Variants in NFIX observed in about 807,000 individuals in gnomAD.
NFIX encodes nuclear factor I X, also known as nuclear factor 1 X-type.
In NFIX, 2 loss-of-function variants were observed where a neutral mutation model predicts 53.3. The ratio of observed to expected loss-of-function variants is 0.04; its 90% CI spans 0.02 to 0.12. The LOEUF is 0.12. Among genes scored for constraint, NFIX ranks in the 10% least tolerant of loss-of-function variants. The probability of loss-of-function intolerance (pLI) is 1.00; values close to 1 mark genes in which losing one functional copy is unlikely to be tolerated. For synonymous variants in NFIX, 244 were observed against 289.0 expected (o/e 0.84, Z 1.58); for missense variants, 310 against 674.5 (o/e 0.46, Z 5.99).
intron 2 of NFIX, chr19:13,070,161 AC>A (rs2016685425): frequency 6.6e-6 from 1 of 152,102 alleles, no homozygotes; most frequent in Non-Finnish European, 1.5e-5. Flanking sequence ...TTCACCATGG[AC>A]CTAGTGGCCT....
chr19:13,023,836 G>A (rs2013109811), intron 1 of NFIX: 1 of 151,082 alleles, frequency 6.6e-6, no homozygotes, highest in East Asian at 2.0e-4. Context: ...GGGGGGGGAG[G>A]AGGGGGAAGG....
rs1038648940 is a variant in NFIX, at chr19:13,009,122, C to T, written c.27+13258C>T. Reference sequence around the variant, plus strand: ...TGTCACAAGCACCGCCGCACACCGGCACAATCTGTCGTCCACGCACAGTCT... The same window carrying T: ...TGTCACAAGCACCGCCGCACACCGGTACAATCTGTCGTCCACGCACAGTCT... On this transcript the variant is annotated intron_variant, in intron 1 of 10. Transcript: ENST00000592199. This position sits in a 1 kb window ranked among gnomAD's most constrained non-coding sequence, Gnocchi z 4.7. Among the ~76,000 whole-genome samples, 1 of 152,220 alleles carries T rather than the reference C, an allele frequency of 6.6e-6. No individual in the cohort carries two copies. Among genetic ancestry groups the T allele is most frequent in the Non-Finnish European group, 1.5e-5 (1 of 68,042 alleles).
At chr19:13,039,230 A>AC (rs2014439736) in intron 2 of NFIX, among the ~76,000 whole-genome samples, 1 of 131,654 alleles carries the variant, frequency 7.6e-6, no homozygotes, top group Non-Finnish European at 1.6e-5. Flanking sequence ...ACCCCCCCCC[A>AC]CACACACACA....
At chr19:13,026,064 G>A (rs2013320259) in intron 2 of NFIX, among the ~76,000 whole-genome samples, 1 of 152,170 alleles carries the variant, frequency 6.6e-6, no homozygotes, top group South Asian at 2.1e-4. Flanking sequence ...GAAACCCTGG[G>A]ATATGAGACT....
rs573872208 is a variant in NFIX at position 13,009,082 on chromosome 19, C to T, written c.27+13218C>T. On this transcript the variant is annotated intron_variant, in intron 1 of 10. Transcript: ENST00000592199. This position sits in a 1 kb window ranked among gnomAD's most constrained non-coding sequence, Gnocchi z 4.7. ...CAACACCCCGCCACCCGCAGTCTGT[C>T]GCGCAGTGACAGCCTGTCACAAGCA... 3.9e-5 allele frequency among the ~76,000 whole-genome samples: 6 copies of T among 152,334 alleles called. No homozygotes were observed. The highest frequency in any genetic ancestry group is 8.8e-5 in the Non-Finnish European group (6 of 68,036).
Position 13,049,045 on chromosome 19 carries a change from C to G in NFIX, c.559+23493C>G, listed in dbSNP as rs148340480. On this transcript the variant is annotated intron_variant, in intron 2 of 10. Coordinates refer to ENST00000592199, the MANE Select transcript of NFIX (RefSeq NM_001365902.3). This position sits in a 1 kb window ranked among gnomAD's most constrained non-coding sequence, Gnocchi z 4.5. ...TGAGACAAGATCGCGTCACTGTACCCCAGCCTGGGCGACAGAGCAAGACTC... is the reference window on the plus strand; with the variant it reads ...TGAGACAAGATCGCGTCACTGTACCGCAGCCTGGGCGACAGAGCAAGACTC... Among the ~76,000 whole-genome samples the G allele has an allele frequency of 0.052, 7,977 of 152,130 alleles. 335 individuals carry two copies. The highest frequency in any genetic ancestry group is 0.21 in the Middle Eastern group (63 of 294).
Position 12,998,988 on chromosome 19 carries a change from G to A in NFIX, c.27+3124G>A, listed in dbSNP as rs1568249580. 1.3e-5 allele frequency among the ~76,000 whole-genome samples: 2 copies of A among 151,956 alleles called. No homozygotes were observed. The highest frequency in any genetic ancestry group is 2.9e-5 in the Non-Finnish European group (2 of 67,990). ...AGCGACGAAGGCACATGGAGACCAC[G>A]ACACCTCCCAGACTCATGGAGCCCT... On this transcript the variant is annotated intron_variant, in intron 1 of 10. Transcript: ENST00000592199. This position sits in a 1 kb window ranked among gnomAD's most constrained non-coding sequence, Gnocchi z 4.4.
chr19:13,019,585 C>T (rs1018516444), intron 1 of NFIX, among the ~76,000 whole-genome samples: 3 of 151,126 alleles, frequency 2.0e-5, no homozygotes, highest in African/African-American at 7.3e-5. Context: ...TTTCGTTCTC[C>T]TTCTCTCTAT....
At chr19:13,084,168 G>C (rs1283070201) in intron 8 of NFIX, among the ~76,000 whole-genome samples, 2 of 152,178 alleles carry the variant, frequency 1.3e-5, no homozygotes, top group Non-Finnish European at 2.9e-5. Flanking sequence ...TAGGCTGGGC[G>C]TGGTGGCTCA....
In NFIX at chr19:12,998,282, A is replaced by ACT. The variant is rs140784850; in HGVS notation, c.27+2431_27+2432dup. Among the ~76,000 whole-genome samples, 8 of 130,716 alleles carry ACT rather than the reference A, an allele frequency of 6.1e-5. No homozygotes were observed. Among genetic ancestry groups the ACT allele is most frequent in the Middle Eastern group, 4.3e-3 (1 of 234 alleles). 85.8% of individuals were successfully genotyped at this position (130,716 alleles called of 152,430 possible). ...GCTCCCCCCTCCACTGGCGTCTCGG[A>ACT]CTCTCTCTCTCTCTGTCTCTCTGGC... On this transcript the variant is annotated intron_variant, in intron 1 of 10. Transcript: ENST00000592199. The surrounding 1 kb of genome is among the most constrained non-coding windows in gnomAD (Gnocchi z 4.4).
chr19:12,999,618 C>T (rs1007507610), intron 1 of NFIX, among the ~76,000 whole-genome samples: 2 of 152,250 alleles, frequency 1.3e-5, no homozygotes, highest in Non-Finnish European at 2.9e-5. Context: ...GCCGCACACA[C>T]GGATACACCC....
In NFIX at chr19:13,097,706, C is replaced by T. The variant is rs1355043077; in HGVS notation, c.*3057C>T. On this transcript the variant is annotated 3_prime_UTR_variant, in exon 11 of 11. Coordinates refer to ENST00000592199, the MANE Select transcript of NFIX (RefSeq NM_001365902.3). ...GGTCAATGCCAACGAACAAACGTCCCCTCCCTCCCTCCCTCTCCGCCCCGA... is the reference window on the plus strand; with the variant it reads ...GGTCAATGCCAACGAACAAACGTCCTCTCCCTCCCTCCCTCTCCGCCCCGA... 2 of 150,850 alleles carry T rather than the reference C, an allele frequency of 1.3e-5. No individual in the cohort carries two copies. The highest frequency in any genetic ancestry group is 3.0e-5 in the Non-Finnish European group (2 of 67,524). The allele number at this position is 150,850 out of a possible 1,614,324, so 9.3% of individuals were successfully genotyped here.
intron 1 of NFIX, among the ~76,000 whole-genome samples, chr19:13,004,744 C>T (rs923843298): frequency 6.6e-6 from 1 of 152,132 alleles, no homozygotes; most frequent in Non-Finnish European, 1.5e-5. Flanking sequence ...CTTCTAGACT[C>T]CGTGGTCGAG....
chr19:13,047,823 G>A (rs2015083551), intron 2 of NFIX, among the ~76,000 whole-genome samples: 1 of 152,146 alleles, frequency 6.6e-6, no homozygotes, highest in African/African-American at 2.4e-5. Context: ...CTGTGGACTT[G>A]GGGAAGACAG....
In NFIX at chr19:13,045,198, C is replaced by T. The variant is rs914942391; in HGVS notation, c.559+19646C>T. On this transcript the variant is annotated intron_variant, in intron 2 of 10. Coordinates refer to ENST00000592199, the MANE Select transcript of NFIX (RefSeq NM_001365902.3). The surrounding 1 kb of genome is among the most constrained non-coding windows in gnomAD (Gnocchi z 4.4). ...GTCATGGTGAGACAGTGGCTCTCTT[C>T]TGAGGGAGCTCCACAGCCACCATGG... Among the ~76,000 whole-genome samples, 1 of 152,166 alleles carries T rather than the reference C, an allele frequency of 6.6e-6. No homozygotes were observed. The highest frequency in any genetic ancestry group is 2.4e-5 in the African/African-American group (1 of 41,422).
At chr19:13,023,223 A>C (rs1359115016) in intron 1 of NFIX, among the ~76,000 whole-genome samples, 1 of 148,578 alleles carries the variant, frequency 6.7e-6, no homozygotes, top group African/African-American at 2.5e-5. Context: ...AAAACACCCC[A>C]AAAACCCAAC....
chr19:13,002,791 C>T lies in NFIX; in HGVS notation c.27+6927C>T, dbSNP rs979834488. ...CTGGGGAGCTCTCCCCCCACTGGGC[C>T]CCACCCTGAGGGGAGCCGGGGGTGG... On this transcript the variant is annotated intron_variant, in intron 1 of 10. Coordinates refer to ENST00000592199, the MANE Select transcript of NFIX (RefSeq NM_001365902.3). This position sits in a 1 kb window ranked among gnomAD's most constrained non-coding sequence, Gnocchi z 6.1. 6.6e-6 allele frequency among the ~76,000 whole-genome samples: 1 copy of T among 152,182 alleles called. No homozygotes were observed. Among genetic ancestry groups the T allele is most frequent in the South Asian group, 2.1e-4 (1 of 4,832 alleles).
intron 2 of NFIX, among the ~76,000 whole-genome samples, chr19:13,042,248 A>G (rs1237486954): frequency 6.6e-6 from 1 of 151,382 alleles, no homozygotes; most frequent in African/African-American, 2.4e-5. Context: ...TAAATTGTCA[A>G]CTTTTCTAAT....
chr19:13,066,368 C>T lies in NFIX; in HGVS notation c.560-6679C>T, dbSNP rs935382907. 1.3e-4 allele frequency among the ~76,000 whole-genome samples: 19 copies of T among 149,392 alleles called. No individual in the cohort carries two copies. The highest frequency in any genetic ancestry group is 3.3e-4 in the Admixed American group (5 of 15,084). The stretch of plus-strand genomic sequence containing the variant: ...GCCTTCCCTACCCCCCCGCCCCCAA[C>T]AATGGCTTTTCTTGAGCCTAGGCCC... On this transcript the variant is annotated intron_variant, in intron 2 of 10. Coordinates refer to ENST00000592199, the MANE Select transcript of NFIX (RefSeq NM_001365902.3). The surrounding 1 kb of genome is among the most constrained non-coding windows in gnomAD (Gnocchi z 4.2).
Sources: gnomAD v4.1 joint callset for allele counts (sites outside exome capture counted in the v4.1 genomes callset) on GRCh38, gnomAD v4.1.1 for gene constraint, Gnocchi (gnomAD v3.1) non-coding constraint, MANE v1.5 for transcripts, NCBI Gene and HGNC (gene_info 2026-07-23, HGNC 2026-07-21) for gene names.